Variants in MLLT1 observed in about 807,000 individuals in gnomAD.
The protein encoded by MLLT1 is MLLT1 super elongation complex subunit.
In MLLT1, 11 loss-of-function variants were observed where a neutral mutation model predicts 55.1. The ratio of observed to expected loss-of-function variants is 0.20; its 90% CI spans 0.13 to 0.33. The LOEUF (loss-of-function observed/expected upper bound fraction) is 0.33, where lower values mean the gene tolerates loss of function less well. Ranked by LOEUF, MLLT1 falls within the 10% of genes least tolerant of loss-of-function variation. MLLT1 has a pLI of 1.00. For missense variants in MLLT1, 536 were observed against 760.6 expected, an observed-to-expected ratio of 0.70 and a Z score of 3.47; for synonymous variants, 323 against 320.1, an observed-to-expected ratio of 1.01 and a Z score of -0.10.
chr19:6,260,015 C>T lies in MLLT1; in HGVS notation c.276+2213G>A, dbSNP rs754958034. On this transcript the variant is annotated intron_variant, in intron 3 of 11. Coordinates refer to ENST00000252674, the MANE Select transcript of MLLT1 (RefSeq NM_005934.4). The stretch of plus-strand genomic sequence containing the variant: ...TGCACATGCTCCTGCTGAAGGGCAC[C>T]GAGGGAGCTGGCACCACGCTTGGGG... Among the ~76,000 whole-genome samples the T allele has an allele frequency of 7.2e-5, 11 of 152,164 alleles. 1 individual carries two copies. Among genetic ancestry groups the T allele is most frequent in the Admixed American group, 6.5e-4 (10 of 15,288 alleles).
chr19:6,278,735 C>T (rs1221502400), intron 1 of MLLT1, among the ~76,000 whole-genome samples: 2 of 152,002 alleles, frequency 1.3e-5, no homozygotes, highest in Non-Finnish European at 2.9e-5. Flanking sequence ...AGCAGGCCAT[C>T]AGTGACTCAA....
At position 6,229,741 on chromosome 19, in the gene MLLT1, CTG is replaced by C. The variant is rs1001976792; in HGVS notation, c.420+827_420+828del. Among the ~76,000 whole-genome samples the C allele has an allele frequency of 6.6e-6, 1 of 151,632 alleles. No individual in the cohort carries two copies. The highest frequency in any genetic ancestry group is 1.5e-5 in the Non-Finnish European group (1 of 67,850). The stretch of plus-strand genomic sequence containing the variant: ...CCCTACATGCCACACATGCCACACA[CTG>C]TACATGCCACACCCCACACATACAC... On this transcript the variant is annotated intron_variant, in intron 4 of 11. Coordinates refer to ENST00000252674, the MANE Select transcript of MLLT1 (RefSeq NM_005934.4). The surrounding 1 kb of genome is among the most constrained non-coding windows in gnomAD (Gnocchi z 5.2).
At chr19:6,252,285 G>C (rs1348248580) in intron 3 of MLLT1, among the ~76,000 whole-genome samples, 3 of 152,194 alleles carry the variant, frequency 2.0e-5, no homozygotes, top group Non-Finnish European at 4.4e-5. Flanking sequence ...CTCTGCTGCG[G>C]AGGCGTCTGA....
Position 6,262,181 on chromosome 19 carries a change from G to A in MLLT1, c.276+47C>T. ...TGAACTGCCGTGGCACCCGGAGCAG[G>A]GGTCCCCACAGAGAGGCATCCTGCT... On this transcript the variant is annotated intron_variant, in intron 3 of 11. Transcript: ENST00000252674. This position sits in a 1 kb window ranked among gnomAD's most constrained non-coding sequence, Gnocchi z 4.4. 1 of 1,506,160 alleles carries A rather than the reference G, an allele frequency of 6.6e-7. No homozygotes were observed. Among genetic ancestry groups the A allele is most frequent in the Non-Finnish European group, 9.2e-7 (1 of 1,082,778 alleles). The allele number at this position is 1,506,160 out of a possible 1,614,324, so 93.3% of individuals were successfully genotyped here. A position where few individuals can be genotyped will look rare whatever the true frequency, so the allele number is the denominator to read the frequency against.
chr19:6,250,783 A>G (rs1031242560), intron 3 of MLLT1, among the ~76,000 whole-genome samples: 1 of 152,216 alleles, frequency 6.6e-6, no homozygotes, highest in Non-Finnish European at 1.5e-5. Flanking sequence ...TCAAACACAT[A>G]CACGCACAGC....
intron 1 of MLLT1, among the ~76,000 whole-genome samples, chr19:6,278,082 C>T (rs1053364387): frequency 2.2e-4 from 34 of 152,012 alleles, no homozygotes; most frequent in African/African-American, 7.9e-4. Flanking sequence ...TTCTTGCCCC[C>T]CACCCATGAA....
intron 6 of MLLT1, 55 bp from the exon 7 acceptor site, chr19:6,218,096 T>A (rs751378517): frequency 9.1e-5 from 140 of 1,544,792 alleles, no homozygotes; most frequent in Non-Finnish European, 1.2e-4. Context: ...CTGTCACCTT[T>A]CAGCAGAGAC....
intron 1 of MLLT1, among the ~76,000 whole-genome samples, chr19:6,275,676 C>T (rs958029225): frequency 6.6e-6 from 1 of 152,174 alleles, no homozygotes; most frequent in Non-Finnish European, 1.5e-5. Context: ...GCACCTCCAC[C>T]CCTCTTCTGG....
At chr19:6,244,043 C>CAAAAAA (rs1179461309) in intron 3 of MLLT1, among the ~76,000 whole-genome samples, 5 of 45,214 alleles carry the variant, frequency 1.1e-4, no homozygotes, top group East Asian at 7.3e-4. Flanking sequence ...GACTCCACCT[C>CAAAAAA]AAAAAAAAAA....
Position 6,238,643 on chromosome 19 carries a change from C to T in MLLT1, c.277-7930G>A, listed in dbSNP as rs576508429. On this transcript the variant is annotated intron_variant, in intron 3 of 11. Coordinates refer to ENST00000252674, the MANE Select transcript of MLLT1 (RefSeq NM_005934.4). Reference sequence around the variant, plus strand: ...TTTGAATTCAACACCACCTGTGTCCCTTCCACCCTGCCCCTGTCCTGGAGC... The same window carrying T: ...TTTGAATTCAACACCACCTGTGTCCTTTCCACCCTGCCCCTGTCCTGGAGC... 8.5e-5 allele frequency among the ~76,000 whole-genome samples: 13 copies of T among 152,400 alleles called. No individual in the cohort carries two copies. In the South Asian group the frequency reaches 2.7e-3, roughly 32 times the overall value.
At chr19:6,249,467 C>T (rs2091196082) in intron 3 of MLLT1, among the ~76,000 whole-genome samples, 2 of 152,130 alleles carry the variant, frequency 1.3e-5, no homozygotes, top group African/African-American at 2.4e-5. Flanking sequence ...CACTGAGGAA[C>T]CGATTTATTC....
chr19:6,212,517 C>G lies in MLLT1; in HGVS notation c.*525G>C. 1 of 1,080,936 alleles carries G rather than the reference C, an allele frequency of 9.3e-7. No individual in the cohort carries two copies. Among genetic ancestry groups the G allele is most frequent in the Non-Finnish European group, 1.1e-6 (1 of 890,270 alleles). The allele number at this position is 1,080,936 out of a possible 1,614,324, so 67.0% of individuals were successfully genotyped here. On this transcript the variant is annotated 3_prime_UTR_variant, in exon 12 of 12. Transcript: ENST00000252674. ...AATAGAGAGAACTATACAGCACAGA[C>G]CCCAGCGCAGCGCGAGCCGGGGAGG...
chr19:6,233,020 C>T (rs1406083751), intron 3 of MLLT1, among the ~76,000 whole-genome samples: 1 of 152,196 alleles, frequency 6.6e-6, no homozygotes, highest in Non-Finnish European at 1.5e-5. Context: ...CTGGGCCCGG[C>T]GTCCTCTGCA....
intron 3 of MLLT1, among the ~76,000 whole-genome samples, chr19:6,257,129 C>G (rs974656070): frequency 6.6e-6 from 1 of 152,186 alleles, no homozygotes; most frequent in African/African-American, 2.4e-5. Flanking sequence ...GCAATGGAGT[C>G]ACAGATTTGA....
Position 6,227,256 on chromosome 19 carries a change from G to C in MLLT1, c.421-154C>G, listed in dbSNP as rs904304522. On this transcript the variant is annotated intron_variant, in intron 4 of 11. Coordinates refer to ENST00000252674, the MANE Select transcript of MLLT1 (RefSeq NM_005934.4). This position sits in a 1 kb window ranked among gnomAD's most constrained non-coding sequence, Gnocchi z 5.1. ...GAATCCCAGGTGCTTCCCTGCTGGG[G>C]ACTGGGTGCTGAGCACGCAGAAGAA... Among the ~76,000 whole-genome samples, 1 of 152,144 alleles carries C rather than the reference G, an allele frequency of 6.6e-6. No homozygotes were observed. The highest frequency in any genetic ancestry group is 1.5e-5 in the Non-Finnish European group (1 of 68,036).
At chr19:6,266,513 G>A (rs1443456385) in intron 2 of MLLT1, among the ~76,000 whole-genome samples, 2 of 152,078 alleles carry the variant, frequency 1.3e-5, no homozygotes, top group Non-Finnish European at 2.9e-5. Flanking sequence ...CTGGAGTGCA[G>A]TGGTACGACC....
At position 6,222,203 on chromosome 19, in the gene MLLT1, G is replaced by A; in HGVS notation, c.1028C>T (p.Ala343Val). ...KSSTRGEKVK[A>V]ESEPREAKKA... ...TTTGGCCTCCCGGGGCTCACTCTCG[G>A]CCTTCACCTTCTCCCCTCTGGTGCT... Residue 343 changes from alanine to valine, a missense_variant, in exon 6 of 12, where the codon GCC becomes GTC. Around this residue, in one of 3 missense-constraint regions of MLLT1, gnomAD observed 449 missense variants for 489.0 expected, o/e 0.92. Coordinates refer to ENST00000252674, the MANE Select transcript of MLLT1 (RefSeq NM_005934.4). The surrounding 1 kb of genome is among the most constrained non-coding windows in gnomAD (Gnocchi z 4.1). The A allele has an allele frequency of 6.2e-7, 1 of 1,609,366 alleles. No individual in the cohort carries two copies. The highest frequency in any genetic ancestry group is 8.5e-7 in the Non-Finnish European group (1 of 1,177,760).
rs1291585535 is a variant in MLLT1 at position 6,256,092 on chromosome 19, C to T, written c.276+6136G>A. ...ATTAGCCAGACACGGTGGCAGGCAC[C>T]TGTAATCCCAGCTATTCAGGAGGCT... On this transcript the variant is annotated intron_variant, in intron 3 of 11. Coordinates refer to ENST00000252674, the MANE Select transcript of MLLT1 (RefSeq NM_005934.4). The surrounding 1 kb of genome is among the most constrained non-coding windows in gnomAD (Gnocchi z 4.1). 2.6e-5 allele frequency among the ~76,000 whole-genome samples: 4 copies of T among 152,150 alleles called. No individual in the cohort carries two copies. Among genetic ancestry groups the T allele is most frequent in the African/African-American group, 9.7e-5 (4 of 41,438 alleles).
At chr19:6,236,297 C>T (rs536081630) in intron 3 of MLLT1, among the ~76,000 whole-genome samples, 4 of 152,314 alleles carry the variant, frequency 2.6e-5, no homozygotes, top group South Asian at 2.1e-4. Flanking sequence ...TCAGCGGATA[C>T]GAATGCTTCA....
Sources: gnomAD v4.1 joint callset for allele counts (sites outside exome capture counted in the v4.1 genomes callset) on GRCh38, gnomAD v4.1.1 for gene constraint, gnomAD v4.1.1 regional missense constraint, Gnocchi (gnomAD v3.1) non-coding constraint, MANE v1.5 for transcripts, NCBI Gene and HGNC (gene_info 2026-07-23, HGNC 2026-07-21) for gene names.